The following PVT1 variants were observed in gnomAD, a reference collection of about 807,000 sequenced individuals.
PVT1 encodes the protein Pvt1 oncogene, also known as CXCR4/PVT1 fusion.
intron 3 of PVT1, among the ~76,000 whole-genome samples, chr8:127,978,308 A>G (rs1377077356): frequency 6.6e-6 from 1 of 151,372 alleles, no homozygotes; most frequent in Non-Finnish European, 1.5e-5. Flanking sequence ...GTGTACCACC[A>G]TACCTGGCTA....
chr8:127,916,372 T>C (rs2721133), intron 3 of PVT1, among the ~76,000 whole-genome samples: 22,871 of 152,166 alleles, frequency 0.15, 1,850 homozygotes, highest in African/African-American at 0.17. Flanking sequence ...TCTAGTGCTG[T>C]GGCATGTGGT....
At chr8:127,809,266 A>G (rs1246526533) in intron 2 of PVT1, among the ~76,000 whole-genome samples, 1 of 152,042 alleles carries the variant, frequency 6.6e-6, no homozygotes, top group Non-Finnish European at 1.5e-5. Context: ...ATAGTGGCTC[A>G]TTGCAGCCTG....
intron 3 of PVT1, among the ~76,000 whole-genome samples, chr8:127,942,913 G>GTGATTA (rs1388984620): frequency 1.3e-5 from 2 of 152,194 alleles, no homozygotes; most frequent in Non-Finnish European, 1.5e-5. Flanking sequence ...CATTTTAACT[G>GTGATTA]TGATTATTAT....
In PVT1 at chr8:127,923,974, G is replaced by T. The variant is rs531713253; in HGVS notation, n.782+32976G>T. Among the ~76,000 whole-genome samples, 5 of 152,346 alleles carry T rather than the reference G, an allele frequency of 3.3e-5. No individual in the cohort carries two copies. The East Asian group carries it at 9.6e-4, about 29-fold the overall frequency. Reference sequence around the variant, plus strand: ...ATTTAACTCCCACTGTTTAGGAATTGCTCGGGGCAGGAGACAAAATAAGAG... The same window carrying T: ...ATTTAACTCCCACTGTTTAGGAATTTCTCGGGGCAGGAGACAAAATAAGAG... On this transcript the variant is annotated intron_variant and non_coding_transcript_variant, in intron 3 of 10. Transcript: ENST00000651587.
At chr8:127,813,210 AATAT>A (rs538717596) in intron 2 of PVT1, among the ~76,000 whole-genome samples, 117 of 54,582 alleles carry the variant, frequency 2.1e-3, no homozygotes, top group Admixed American at 4.1e-3. Context: ...ATAATATACA[AATAT>A]ATATATATAA....
chr8:128,021,483 CAG>C (rs1817436333), intron 4 of PVT1, among the ~76,000 whole-genome samples: 2 of 151,944 alleles, frequency 1.3e-5, no homozygotes, highest in Non-Finnish European at 2.9e-5. Flanking sequence ...TTAGTAGAGA[CAG>C]GGTTTCACCA....
intron 4 of PVT1, among the ~76,000 whole-genome samples, chr8:128,018,281 C>T (rs1451510176): frequency 6.6e-6 from 1 of 152,220 alleles, no homozygotes. Context: ...AAGTCACCCA[C>T]AGGTCAGCAG....
chr8:127,875,091 C>T (rs1346686104), intron 2 of PVT1, among the ~76,000 whole-genome samples: 2 of 152,170 alleles, frequency 1.3e-5, no homozygotes, highest in Non-Finnish European at 2.9e-5. Flanking sequence ...TTGCTAGTTG[C>T]ACTCAGTTTT....
chr8:127,946,490 G>A (rs1182760818), intron 3 of PVT1: 1 of 152,200 alleles, frequency 6.6e-6, no homozygotes. Context: ...TTGTGTCTGA[G>A]AAAGTGCTGA....
At chr8:128,058,048 G>T (rs954274213) in intron 4 of PVT1, among the ~76,000 whole-genome samples, 8 of 152,202 alleles carry the variant, frequency 5.3e-5, no homozygotes, top group African/African-American at 1.9e-4. Flanking sequence ...GCTCCTCTCT[G>T]CAAATACTGT....
At chr8:127,994,152 T>C (rs79246080) in intron 4 of PVT1, among the ~76,000 whole-genome samples, 2,924 of 152,302 alleles carry the variant, frequency 0.019, 42 homozygotes, top group South Asian at 0.035. Flanking sequence ...TCTCTCCTTC[T>C]CCACCATTGT....
At chr8:128,006,733 A>AT (rs1213487332) in intron 4 of PVT1, among the ~76,000 whole-genome samples, 3 of 152,266 alleles carry the variant, frequency 2.0e-5, no homozygotes, top group East Asian at 1.9e-4. Context: ...AAAAAATGCA[A>AT]TTTTTTAAAA....
intron 4 of PVT1, among the ~76,000 whole-genome samples, chr8:128,057,329 G>C (rs1813773484): frequency 6.6e-6 from 1 of 152,148 alleles, no homozygotes; most frequent in Non-Finnish European, 1.5e-5. Flanking sequence ...AAAGGGCACA[G>C]AACAAGGATT....
At chr8:127,910,097 C>T (rs897539962) in intron 3 of PVT1, among the ~76,000 whole-genome samples, 15 of 151,990 alleles carry the variant, frequency 9.9e-5, no homozygotes, top group Admixed American at 9.2e-4. Context: ...ACACCACGTC[C>T]GTCCTCATCC....
At chr8:127,820,644 C>T (rs1814717415) in intron 2 of PVT1, among the ~76,000 whole-genome samples, 1 of 151,990 alleles carries the variant, frequency 6.6e-6, no homozygotes, top group East Asian at 1.9e-4. Context: ...CAAGTTCTGG[C>T]CCCTGCTGAC....
At chr8:128,021,537 CCCT>C (rs1817437973) in intron 4 of PVT1, among the ~76,000 whole-genome samples, 1 of 152,036 alleles carries the variant, frequency 6.6e-6, no homozygotes, top group African/African-American at 2.4e-5. Context: ...TCGTGATCCG[CCCT>C]CCTCGGCCTC....
intron 5 of PVT1, among the ~76,000 whole-genome samples, chr8:128,073,802 CTTT>C (rs79686805): frequency 1.4e-5 from 2 of 138,114 alleles, no homozygotes. Context: ...ATTTTTTTTT[CTTT>C]TTTTTTTTTT....
chr8:127,965,762 CAG>C (rs1216646614), intron 3 of PVT1, among the ~76,000 whole-genome samples: 1 of 152,146 alleles, frequency 6.6e-6, no homozygotes, highest in Non-Finnish European at 1.5e-5. Context: ...CTAACAGAGT[CAG>C]GTGTTGGGTG....
At chr8:127,876,490 T>A (rs60401615) in intron 2 of PVT1, among the ~76,000 whole-genome samples, 1,708 of 152,202 alleles carry the variant, frequency 0.011, 38 homozygotes, top group African/African-American at 0.039. Flanking sequence ...AGTGAATTTG[T>A]ATGTCTCCTG....
Sources: allele counts gnomAD v4.1 joint callset (sites outside exome capture counted in the v4.1 genomes callset), GRCh38; gene constraint gnomAD v4.1.1; transcripts MANE v1.5; gene names NCBI Gene and HGNC (gene_info 2026-07-23, HGNC 2026-07-21).